Variants in TSHZ2 observed in about 807,000 individuals in gnomAD.
TSHZ2 encodes the protein teashirt homolog 2.
In TSHZ2, 21 loss-of-function variants were observed where a neutral mutation model predicts 74.4. The observed-to-expected ratio is 0.28, with a 90% CI of 0.20 to 0.41. TSHZ2 has a LOEUF of 0.41. Among genes scored for constraint, TSHZ2 ranks in the 10% least tolerant of loss-of-function variants. The pLI is 1.00. For missense variants in TSHZ2, 1,244 were observed against 1,293.5 expected, an observed-to-expected ratio of 0.96 and a Z score of 0.59; for synonymous variants, 540 against 515.3, an observed-to-expected ratio of 1.05 and a Z score of -0.65.
At chr20:53,258,566 G>A (rs1218487415) in intron 2 of TSHZ2, among the ~76,000 whole-genome samples, 4 of 152,206 alleles carry the variant, frequency 2.6e-5, no homozygotes, top group Non-Finnish European at 5.9e-5. Flanking sequence ...TATGTAGATA[G>A]GGAGAGGTAA....
chr20:53,251,539 C>T (rs1990331807), intron 1 of TSHZ2, among the ~76,000 whole-genome samples: 1 of 152,070 alleles, frequency 6.6e-6, no homozygotes, highest in South Asian at 2.1e-4. Context: ...GGTTTTTTGA[C>T]TAGATTGAGT....
At chr20:52,985,135 C>G (rs542611839) in intron 1 of TSHZ2, among the ~76,000 whole-genome samples, 1 of 152,120 alleles carries the variant, frequency 6.6e-6, no homozygotes, top group African/African-American at 2.4e-5. Context: ...TTCTCCACCC[C>G]CATTAGACAA....
intron 1 of TSHZ2, among the ~76,000 whole-genome samples, chr20:53,091,745 A>G (rs1311499712): frequency 6.6e-6 from 1 of 152,170 alleles, no homozygotes; most frequent in East Asian, 1.9e-4. Flanking sequence ...GAGTGTGCTA[A>G]AAACCCGTGC....
chr20:53,206,847 C>A (rs1360001105), intron 1 of TSHZ2, among the ~76,000 whole-genome samples: 1 of 152,172 alleles, frequency 6.6e-6, no homozygotes, highest in African/African-American at 2.4e-5. Context: ...GAATTCCTAA[C>A]CTTCCCTTGA....
intron 2 of TSHZ2, among the ~76,000 whole-genome samples, chr20:53,477,619 A>T (rs1267593299): frequency 2.0e-5 from 3 of 148,588 alleles, no homozygotes; most frequent in Non-Finnish European, 4.4e-5. Flanking sequence ...TTCATGTCTA[A>T]AACACCAAAA....
At chr20:53,037,887 G>C (rs1297266223) in intron 1 of TSHZ2, among the ~76,000 whole-genome samples, 2 of 152,076 alleles carry the variant, frequency 1.3e-5, no homozygotes, top group Non-Finnish European at 2.9e-5. Context: ...ACAGGGGCCT[G>C]TGTGCAGAGC....
intron 1 of TSHZ2, among the ~76,000 whole-genome samples, chr20:53,221,279 A>G (rs1989550040): frequency 6.6e-6 from 1 of 152,176 alleles, no homozygotes; most frequent in Non-Finnish European, 1.5e-5. Flanking sequence ...TAAATTACCC[A>G]GTCTCAGGTA....
chr20:53,143,214 C>G (rs917652683), intron 1 of TSHZ2, among the ~76,000 whole-genome samples: 2 of 152,216 alleles, frequency 1.3e-5, no homozygotes, highest in East Asian at 3.8e-4. Context: ...CAGGCTTCTA[C>G]AGAAGACTCA....
chr20:53,020,626 T>C (rs983119480), intron 1 of TSHZ2, among the ~76,000 whole-genome samples: 2 of 152,076 alleles, frequency 1.3e-5, no homozygotes, highest in Non-Finnish European at 2.9e-5. Context: ...GGGCCAGGGG[T>C]GAATATCACC....
intron 2 of TSHZ2, among the ~76,000 whole-genome samples, chr20:53,486,531 C>T (rs191557173): frequency 4.6e-5 from 7 of 151,930 alleles, no homozygotes; most frequent in Admixed American, 4.6e-4. Flanking sequence ...AAAAATAAAC[C>T]TAGTCAGGCA....
intron 2 of TSHZ2, among the ~76,000 whole-genome samples, chr20:53,336,827 T>A (rs1187785503): frequency 6.6e-6 from 1 of 152,210 alleles, no homozygotes; most frequent in Non-Finnish European, 1.5e-5. Context: ...TATGAATAGA[T>A]GTGTGCATAT....
At chr20:53,165,349 T>C (rs1265162211) in intron 1 of TSHZ2, among the ~76,000 whole-genome samples, 1 of 152,192 alleles carries the variant, frequency 6.6e-6, no homozygotes, top group Non-Finnish European at 1.5e-5. Flanking sequence ...TTGAACCAGA[T>C]TTGTCTGCCT....
intron 1 of TSHZ2, among the ~76,000 whole-genome samples, chr20:53,050,126 C>CATATATATGTGTATATATATAT (rs57820338): frequency 9.9e-6 from 1 of 100,992 alleles, no homozygotes; most frequent in East Asian, 3.1e-4. Flanking sequence ...TATATATATA[C>CATATATATGTGTATATATATAT]ACATATATAT....
chr20:53,350,840 T>G (rs1980620528), intron 2 of TSHZ2, among the ~76,000 whole-genome samples: 1 of 152,242 alleles, frequency 6.6e-6, no homozygotes, highest in African/African-American at 2.4e-5. Flanking sequence ...ATCTTGAAAC[T>G]TCCAGGTTTT....
chr20:53,237,866 G>C lies in TSHZ2; in HGVS notation c.41-15633G>C, dbSNP rs370638303. 2.0e-5 allele frequency among the ~76,000 whole-genome samples: 3 copies of C among 152,232 alleles called. No homozygotes were observed. The South Asian group carries it at 6.2e-4, about 32-fold the overall frequency. ...AAATATGCAGATTATTGACACAATA[G>C]ACTACGAGCACTGCAACCGTACTCG... On this transcript the variant is annotated intron_variant, in intron 1 of 2. Coordinates refer to ENST00000371497, the MANE Select transcript of TSHZ2 (RefSeq NM_173485.6).
rs188765933 is a variant in TSHZ2, at chr20:53,436,058, C to A, written c.*9-51086C>A. ...TTTTCAATGATAGCAATAATGATAA[C>A]ATATTGTTATGATCATCAGGCGTAG... is the stretch of plus-strand genomic sequence containing the variant. On this transcript the variant is annotated intron_variant, in intron 2 of 2. Transcript: ENST00000371497. Among the ~76,000 whole-genome samples, 79 of 152,300 alleles carry A rather than the reference C, an allele frequency of 5.2e-4. 1 individual carries two copies. In the East Asian group the frequency reaches 0.014, roughly 27 times the overall value.
intron 1 of TSHZ2, among the ~76,000 whole-genome samples, chr20:53,117,119 C>T (rs1293399008): frequency 6.9e-6 from 1 of 144,368 alleles, no homozygotes; most frequent in Non-Finnish European, 1.5e-5. Flanking sequence ...ATGAGGGCTC[C>T]ACCTTCATGA....
chr20:52,986,495 C>T (rs550880815), intron 1 of TSHZ2, among the ~76,000 whole-genome samples: 71 of 151,844 alleles, frequency 4.7e-4, no homozygotes, highest in Middle Eastern at 3.4e-3. Context: ...TATGGGAAGC[C>T]GAGGTGGCAG....
chr20:53,458,098 G>C lies in TSHZ2; in HGVS notation c.*9-29046G>C, dbSNP rs372255622. Among the ~76,000 whole-genome samples, 17 of 151,964 alleles carry C rather than the reference G, an allele frequency of 1.1e-4. 1 individual carries two copies. The highest frequency in any genetic ancestry group is 2.4e-4 in the African/African-American group (10 of 41,436). On this transcript the variant is annotated intron_variant, in intron 2 of 2. Transcript: ENST00000371497. ...TAAAATGAGTTAGGGAGGATTCCCT[G>C]TTTTTCTATTGATTGGAATAGTTTC...
Sources: gnomAD v4.1 joint callset for allele counts (sites outside exome capture counted in the v4.1 genomes callset) on GRCh38, gnomAD v4.1.1 for gene constraint, MANE v1.5 for transcripts, NCBI Gene and HGNC (gene_info 2026-07-23, HGNC 2026-07-21) for gene names.